GTF2F2: variants seen among roughly 807,000 people sequenced by gnomAD.
The protein encoded by GTF2F2 is ATP-dependent helicase GTF2F2.
In GTF2F2, 23 loss-of-function variants were observed where a neutral mutation model predicts 42.2. The observed-to-expected ratio is 0.55, with a 90% CI of 0.39 to 0.77. GTF2F2 has a LOEUF of 0.77. GTF2F2 is among the 30% of genes least tolerant of loss of function. GTF2F2 has a pLI of 0.00. For missense variants in GTF2F2, 261 were observed against 287.2 expected (o/e 0.91, Z 0.66); for synonymous variants, 105 against 100.8 (o/e 1.04, Z -0.25).
intron 4 of GTF2F2, among the ~76,000 whole-genome samples, chr13:45,191,224 A>AAAAATATATATAGAT: frequency 1.3e-5 from 1 of 75,346 alleles, no homozygotes; most frequent in African/African-American, 1.0e-4. Context: ...ACAAAAAAAA[A>AAAAATATATATAGAT]ATATATATAT....
intron 7 of GTF2F2, among the ~76,000 whole-genome samples, chr13:45,269,687 C>A (rs1001514651): frequency 2.0e-5 from 3 of 152,052 alleles, no homozygotes; most frequent in African/African-American, 4.8e-5. Flanking sequence ...AGTTCAAGTC[C>A]CAGCTCTACC....
chr13:45,123,751 A>G (rs1272395795), intron 1 of GTF2F2, among the ~76,000 whole-genome samples: 1 of 151,598 alleles, frequency 6.6e-6, no homozygotes, highest in Non-Finnish European at 1.5e-5. Context: ...CAGGACCTGT[A>G]CTGTTCTGGC....
At chr13:45,232,617 G>A (rs76328711) in intron 5 of GTF2F2, among the ~76,000 whole-genome samples, 1 of 151,970 alleles carries the variant, frequency 6.6e-6, no homozygotes, top group South Asian at 2.1e-4. Flanking sequence ...CCTGGGTGAC[G>A]AGCAAGACCC....
intron 2 of GTF2F2, among the ~76,000 whole-genome samples, chr13:45,146,841 A>G (rs922568500): frequency 6.6e-6 from 1 of 152,252 alleles, no homozygotes; most frequent in African/African-American, 2.4e-5. Flanking sequence ...TGTATTGTAC[A>G]ATAATTAGCA....
At chr13:45,171,284 G>A (rs910760181) in intron 4 of GTF2F2, among the ~76,000 whole-genome samples, 1 of 151,782 alleles carries the variant, frequency 6.6e-6, no homozygotes, top group African/African-American at 2.4e-5. Context: ...TCGCCATGTC[G>A]GCCAGGCTGA....
chr13:45,152,744 G>A (rs1282985460), intron 4 of GTF2F2, among the ~76,000 whole-genome samples: 4 of 152,200 alleles, frequency 2.6e-5, no homozygotes, highest in Non-Finnish European at 4.4e-5. Flanking sequence ...ATTAAATACA[G>A]AGAGAACTTT....
chr13:45,221,245 C>T (rs1332030360), intron 5 of GTF2F2, among the ~76,000 whole-genome samples: 1 of 152,100 alleles, frequency 6.6e-6, no homozygotes, highest in Non-Finnish European at 1.5e-5. Flanking sequence ...TTCTTCTTTT[C>T]TTGACAAGAC....
chr13:45,272,030 C>T (rs1268819028), intron 7 of GTF2F2, among the ~76,000 whole-genome samples: 1 of 150,882 alleles, frequency 6.6e-6, no homozygotes, highest in Non-Finnish European at 1.5e-5. Flanking sequence ...TTCCTTTTTT[C>T]ATCTTTTCAT....
chr13:45,178,977 G>A (rs1872018564), intron 4 of GTF2F2, among the ~76,000 whole-genome samples: 1 of 152,174 alleles, frequency 6.6e-6, no homozygotes, highest in African/African-American at 2.4e-5. Flanking sequence ...GTCCTTTGTG[G>A]TTTCTCTTTA....
intron 5 of GTF2F2, among the ~76,000 whole-genome samples, chr13:45,230,458 A>G (rs952697210): frequency 1.3e-5 from 2 of 152,142 alleles, no homozygotes; most frequent in African/African-American, 4.8e-5. Flanking sequence ...ATATGGGAGG[A>G]TACATTGAGG....
intron 2 of GTF2F2, among the ~76,000 whole-genome samples, chr13:45,147,335 CATT>C (rs1382224538): frequency 3.3e-5 from 5 of 152,178 alleles, no homozygotes; most frequent in African/African-American, 1.2e-4. Flanking sequence ...ATTCTGTAAA[CATT>C]ATGGAAGTGT....
At chr13:45,183,478 G>A (rs1872262446) in intron 4 of GTF2F2, among the ~76,000 whole-genome samples, 1 of 152,116 alleles carries the variant, frequency 6.6e-6, no homozygotes, top group African/African-American at 2.4e-5. Context: ...AGACGGGGAA[G>A]GTAAAGGGAC....
At chr13:45,193,992 A>G in intron 4 of GTF2F2, 2 of 1,614,000 alleles carry the variant, frequency 1.2e-6, no homozygotes, top group Non-Finnish European at 1.7e-6. Flanking sequence ...ATTGGATGAT[A>G]TTTGACGATA....
At chr13:45,203,515 C>T (rs2138185611) in intron 4 of GTF2F2, among the ~76,000 whole-genome samples, 1 of 152,290 alleles carries the variant, frequency 6.6e-6, no homozygotes, top group South Asian at 2.1e-4. Flanking sequence ...GTTGTCTCAC[C>T]TGTACCTAAT....
intron 5 of GTF2F2, among the ~76,000 whole-genome samples, chr13:45,209,185 A>G (rs1428155595): frequency 2.0e-5 from 3 of 152,258 alleles, no homozygotes; most frequent in African/African-American, 4.8e-5. Context: ...CATGCACTAT[A>G]TAAGGACATT....
intron 7 of GTF2F2, among the ~76,000 whole-genome samples, chr13:45,270,086 C>T (rs1876726111): frequency 2.0e-5 from 3 of 152,150 alleles, no homozygotes; most frequent in Admixed American, 6.6e-5. Context: ...CATGCCTCAG[C>T]CTCCCGAAGT....
At chr13:45,212,101 G>T (rs556410127) in intron 5 of GTF2F2, among the ~76,000 whole-genome samples, 2 of 152,240 alleles carry the variant, frequency 1.3e-5, no homozygotes, top group Non-Finnish European at 1.5e-5. Flanking sequence ...AATGTAATAT[G>T]GAAAGGCAGT....
chr13:45,254,621 G>A (rs1264472246), intron 6 of GTF2F2, among the ~76,000 whole-genome samples: 1 of 152,142 alleles, frequency 6.6e-6, no homozygotes, highest in African/African-American at 2.4e-5. Flanking sequence ...ATCAGTCCAG[G>A]TGTTGAACTT....
At chr13:45,249,818 A>AT (rs1423131315) in intron 5 of GTF2F2, among the ~76,000 whole-genome samples, 2 of 150,868 alleles carry the variant, frequency 1.3e-5, no homozygotes, top group African/African-American at 4.9e-5. Context: ...TTAGAGGAGG[A>AT]TGGGGGGCCA....
Sources: gnomAD v4.1 joint callset for allele counts (sites outside exome capture counted in the v4.1 genomes callset) on GRCh38, gnomAD v4.1.1 for gene constraint, MANE v1.5 for transcripts, NCBI Gene and HGNC (gene_info 2026-07-23, HGNC 2026-07-21) for gene names.